The following SLIT3 variants were observed in gnomAD, a reference collection of about 807,000 sequenced individuals.
The protein encoded by SLIT3 is slit homolog 3 protein.
In SLIT3, 68 loss-of-function variants were observed where a neutral mutation model predicts 184.0. That is an observed-to-expected ratio of 0.37 (90% CI 0.30 to 0.45). The LOEUF is 0.45. Among genes scored for constraint, SLIT3 ranks in the 20% least tolerant of loss-of-function variants. The pLI is 1.00. For synonymous variants in SLIT3, 831 were observed against 828.6 expected (o/e 1.00, Z -0.05); for missense variants, 1,707 against 2,026.0 (o/e 0.84, Z 3.02).
chr5:168,948,667 G>A (rs1465095228), intron 4 of SLIT3, among the ~76,000 whole-genome samples: 2 of 152,196 alleles, frequency 1.3e-5, no homozygotes, highest in African/African-American at 4.8e-5. Context: ...TGTCTCAGCA[G>A]CTCTTGCTCT....
chr5:168,774,979 G>T (rs555124990), intron 12 of SLIT3, among the ~76,000 whole-genome samples: 1 of 150,384 alleles, frequency 6.6e-6, no homozygotes, highest in South Asian at 2.1e-4. Context: ...TGGCCCTTTC[G>T]CCAACCTCAT....
chr5:168,813,345 C>G (rs1226091148), intron 8 of SLIT3, among the ~76,000 whole-genome samples: 2 of 149,736 alleles, frequency 1.3e-5, no homozygotes, highest in East Asian at 3.9e-4. Context: ...CAACTTGCAA[C>G]TCATGTAACA....
intron 4 of SLIT3, among the ~76,000 whole-genome samples, chr5:169,007,524 T>C (rs1256925490): frequency 6.6e-6 from 1 of 152,246 alleles, no homozygotes; most frequent in Non-Finnish European, 1.5e-5. Context: ...TAGGAATCTC[T>C]GGATAGGTAA....
chr5:168,743,076 C>T (rs1177987497), intron 20 of SLIT3, among the ~76,000 whole-genome samples: 5 of 152,130 alleles, frequency 3.3e-5, no homozygotes, highest in South Asian at 2.1e-4. Flanking sequence ...ACGCCATGTG[C>T]TAGTCTAAGA....
intron 4 of SLIT3, among the ~76,000 whole-genome samples, chr5:169,127,339 A>G (rs1202424057): frequency 6.6e-6 from 1 of 152,168 alleles, no homozygotes; most frequent in African/African-American, 2.4e-5. Context: ...GTGCTTCCCA[A>G]TTACTAAAAG....
Position 169,299,674 on chromosome 5 carries a change from A to G in SLIT3, c.197+839T>C, listed in dbSNP as rs1767621226. On this transcript the variant is annotated intron_variant, in intron 1 of 35. Coordinates refer to ENST00000519560, the MANE Select transcript of SLIT3 (RefSeq NM_003062.4). ...GGATCAAAATGATAAATGTTTCCAAAACGTTGACATATGAAAAGTAAATAT... is the reference window on the plus strand; with the variant it reads ...GGATCAAAATGATAAATGTTTCCAAGACGTTGACATATGAAAAGTAAATAT... Among the ~76,000 whole-genome samples the G allele has an allele frequency of 2.0e-5, 3 of 152,154 alleles. No homozygotes were observed. In the South Asian group the frequency reaches 6.2e-4, roughly 32 times the overall value.
chr5:169,227,681 C>T (rs534303683), intron 3 of SLIT3, among the ~76,000 whole-genome samples: 1 of 152,342 alleles, frequency 6.6e-6, no homozygotes, highest in Admixed American at 6.5e-5. Context: ...CCACCTCGGC[C>T]TCCCAAAGTT....
intron 4 of SLIT3, among the ~76,000 whole-genome samples, chr5:169,139,489 G>C (rs1761644866): frequency 6.6e-6 from 1 of 152,088 alleles, no homozygotes; most frequent in Non-Finnish European, 1.5e-5. Flanking sequence ...GCATGCCTGG[G>C]TTACACAGCT....
At chr5:168,876,545 A>G (rs1243392143) in intron 5 of SLIT3, among the ~76,000 whole-genome samples, 2 of 152,098 alleles carry the variant, frequency 1.3e-5, no homozygotes, top group Admixed American at 6.5e-5. Context: ...GTCCCTTTAC[A>G]TATGTTGGTG....
chr5:168,768,155 G>A (rs749276418), intron 14 of SLIT3: 2 of 519,616 alleles, frequency 3.8e-6, no homozygotes, highest in South Asian at 1.4e-5. Flanking sequence ...CTGCAGGAGA[G>A]CACGGTGCTT....
intron 3 of SLIT3, among the ~76,000 whole-genome samples, chr5:169,198,698 C>T (rs1286079783): frequency 6.6e-6 from 1 of 152,030 alleles, no homozygotes; most frequent in Non-Finnish European, 1.5e-5. Flanking sequence ...CTTTGGGAGG[C>T]CAAGGTGGGC....
intron 4 of SLIT3, among the ~76,000 whole-genome samples, chr5:168,937,929 G>C (rs1394146652): frequency 6.6e-6 from 1 of 151,106 alleles, no homozygotes; most frequent in Non-Finnish European, 1.5e-5. Context: ...TAAAGCTTCT[G>C]ATCAGAAATA....
chr5:168,886,899 T>C (rs1348841197), intron 4 of SLIT3, among the ~76,000 whole-genome samples: 1 of 152,178 alleles, frequency 6.6e-6, no homozygotes, highest in Non-Finnish European at 1.5e-5. Context: ...CAAAGAGGAC[T>C]TATTAAGGAG....
At chr5:168,721,992 A>G (rs763269287) in intron 23 of SLIT3, among the ~76,000 whole-genome samples, 9 of 152,200 alleles carry the variant, frequency 5.9e-5, no homozygotes, top group Non-Finnish European at 1.3e-4. Context: ...TATTGATCCC[A>G]TTTTACACAT....
At chr5:168,993,695 T>C (rs1179782977) in intron 4 of SLIT3, among the ~76,000 whole-genome samples, 4 of 149,534 alleles carry the variant, frequency 2.7e-5, no homozygotes, top group African/African-American at 9.8e-5. Flanking sequence ...AACTCCTGAC[T>C]AAATGATGAT....
intron 25 of SLIT3, among the ~76,000 whole-genome samples, chr5:168,710,595 C>G (rs1168869156): frequency 1.3e-5 from 2 of 149,402 alleles, no homozygotes; most frequent in Non-Finnish European, 3.0e-5. Flanking sequence ...GAGACCTTGT[C>G]TCTACAAAAG....
chr5:169,244,916 G>A, intron 2 of SLIT3, 140 bp from the exon 3 acceptor site: 2 of 737,412 alleles, frequency 2.7e-6, no homozygotes, highest in Non-Finnish European at 4.7e-6. Context: ...AGTCTGATGG[G>A]ACAAGATAAC....
At chr5:168,967,187 A>G (rs1253032689) in intron 4 of SLIT3, among the ~76,000 whole-genome samples, 1 of 152,130 alleles carries the variant, frequency 6.6e-6, no homozygotes, top group African/African-American at 2.4e-5. Flanking sequence ...GTAGGTTTCC[A>G]AAGAGTACAT....
chr5:168,859,882 TGGA>T (rs1759039479), intron 5 of SLIT3, among the ~76,000 whole-genome samples: 1 of 152,286 alleles, frequency 6.6e-6, no homozygotes, highest in Admixed American at 6.5e-5. Flanking sequence ...TTATCTTCCT[TGGA>T]CTAATTTTCT....
Sources: gnomAD v4.1 joint callset for allele counts (sites outside exome capture counted in the v4.1 genomes callset) on GRCh38, gnomAD v4.1.1 for gene constraint, MANE v1.5 for transcripts, NCBI Gene and HGNC (gene_info 2026-07-23, HGNC 2026-07-21) for gene names.